POLR1B: variants seen among roughly 807,000 people sequenced by gnomAD.
POLR1B encodes the protein DNA-directed RNA polymerase I subunit RPA2.
In POLR1B, 30 loss-of-function variants were observed where a neutral mutation model predicts 105.8. The ratio of observed to expected loss-of-function variants is 0.28; its 90% CI spans 0.21 to 0.38. POLR1B has a LOEUF of 0.38. Ranked by LOEUF, POLR1B falls within the 10% of genes least tolerant of loss-of-function variation. POLR1B has a pLI of 1.00. For missense variants in POLR1B, 976 were observed against 1,435.8 expected (o/e 0.68, Z 5.17); for synonymous variants, 485 against 505.1 (o/e 0.96, Z 0.53).
At position 112,573,766 on chromosome 2, in the gene POLR1B, T is replaced by C; in HGVS notation, c.2476T>C (p.Tyr826His). The change falls in exon 14 of 15, where the codon TAC (tyrosine) becomes CAC (histidine). Residue 826 changes from tyrosine (Y) to histidine (H), a missense_variant. Transcript: ENST00000263331. ...GAKLQYGDPYYSYLNLNTGES... is the reference protein window; with the variant it reads ...GAKLQYGDPYHSYLNLNTGES... ...AAAACTGCAGTACGGAGATCCGTATTACAGCTACCTCAACCTCAACACCGG... is the reference window on the plus strand; with the variant it reads ...AAAACTGCAGTACGGAGATCCGTATCACAGCTACCTCAACCTCAACACCGG... 1 of 1,614,226 alleles carries C rather than the reference T, an allele frequency of 6.2e-7. No homozygotes were observed. The highest frequency in any genetic ancestry group is 8.5e-7 in the Non-Finnish European group (1 of 1,180,032).
chr2:112,572,577 G>A lies in POLR1B; in HGVS notation c.2090G>A (p.Gly697Asp). ...CTCCATGTAGGTAAGCAAACTATGG[G>A]CTTTCCACTTCTCACTTATCAAGAC... ...YQCQMGKQTM[G>D]FPLLTYQDRS... The change falls in exon 13 of 15, where the codon GGC (glycine) becomes GAC (aspartate). Residue 697 changes from glycine (G) to aspartate (D), a missense_variant. Physicochemically the swap from Gly to Asp is moderately conservative, Grantham distance 94. This residue lies in a region of POLR1B where 46 missense variants were observed against 66.8 expected (regional missense o/e 0.69). Transcript: ENST00000263331. 6.3e-7 allele frequency: 1 copy of A among 1,581,200 alleles called. No individual in the cohort carries two copies. Among genetic ancestry groups the A allele is most frequent in the Non-Finnish European group, 8.6e-7 (1 of 1,164,036 alleles).
rs745945282 is a variant in POLR1B, at chr2:112,542,509, C to A, written c.15C>A (p.Ser5Arg). 5.0e-6 allele frequency: 8 copies of A among 1,613,904 alleles called. No individual in the cohort carries two copies. In the South Asian group the frequency reaches 8.8e-5, roughly 18 times the overall value. ...CAGGTGGCCACATGGATCCTGGCAG[C>A]CGGTGGCGGAACCTGCCCAGCGGGC... MDPG[S>R]RWRNLPSGPS... The change falls in exon 1 of 15, where the codon AGC becomes AGA. Residue 5 changes from serine (S) to arginine (R), a missense_variant. Physicochemically the swap from Ser to Arg is moderately radical, Grantham distance 110. Coordinates refer to ENST00000263331, the MANE Select transcript of POLR1B (RefSeq NM_019014.6).
chr2:112,557,740 C>A (rs1683738531), intron 7 of POLR1B, among the ~76,000 whole-genome samples, 170 bp from the exon 8 acceptor site: 2 of 151,844 alleles, frequency 1.3e-5, no homozygotes, highest in Admixed American at 1.3e-4. Context: ...CCCCCTCACC[C>A]CACCCCCTCT....
intron 9 of POLR1B, among the ~76,000 whole-genome samples, chr2:112,562,838 G>A (rs2104551898): frequency 6.8e-6 from 1 of 147,120 alleles, no homozygotes; most frequent in Non-Finnish European, 1.5e-5. Flanking sequence ...TGATTCTCCT[G>A]CCTCAGCCTT....
At chr2:112,558,103 T>G (rs773483462) in intron 8 of POLR1B, 22 bp downstream of exon 8, 1 of 1,314,590 alleles carries the variant, frequency 7.6e-7, no homozygotes, top group Non-Finnish European at 9.8e-7. Flanking sequence ...TCGATCGTTT[T>G]AGTTATGTTT....
rs190504582 is a variant in POLR1B at position 112,578,420 on chromosome 2, G to C, written c.*2691G>C. ...AAGAATCTTACGTAAATAGGATCAC[G>C]AAGTATAACCTTTGAGAATGGCCTT... On this transcript the variant is annotated 3_prime_UTR_variant, in exon 15 of 15. Transcript: ENST00000263331. Among the ~76,000 whole-genome samples, 1 of 152,130 alleles carries C rather than the reference G, an allele frequency of 6.6e-6. No homozygotes were observed. The highest frequency in any genetic ancestry group is 1.5e-5 in the Non-Finnish European group (1 of 68,032).
chr2:112,567,950 G>C lies in POLR1B; in HGVS notation c.1747-17G>C. On this transcript the variant is annotated splice_polypyrimidine_tract_variant and intron_variant, in intron 10 of 14. Coordinates refer to ENST00000263331, the MANE Select transcript of POLR1B (RefSeq NM_019014.6). ...CCTTGGGACAGGTTTGTTAAACTCT[G>C]TTTTTGTTAAAAACAGGTGTTGAGA... The C allele has an allele frequency of 1.2e-6, 2 of 1,611,696 alleles. No homozygotes were observed. The highest frequency in any genetic ancestry group is 8.5e-7 in the Non-Finnish European group (1 of 1,178,212).
chr2:112,572,739 A>G lies in POLR1B; in HGVS notation c.2252A>G (p.Tyr751Cys). ...AIVAVISYTG[Y>C]DMEDAMIVNK... Reference sequence around the variant, plus strand: ...GTTGCTGTGATTTCTTACACTGGCTATGATATGGAAGATGCCATGGTAAGT... The same window carrying G: ...GTTGCTGTGATTTCTTACACTGGCTGTGATATGGAAGATGCCATGGTAAGT... Residue 751 changes from tyrosine to cysteine, a missense_variant, in exon 13 of 15, where the codon TAT becomes TGT. By Grantham distance (194) the Tyr-to-Cys change is radical (BLOSUM62 -2). Around this residue, in one of 12 missense-constraint regions of POLR1B, gnomAD observed 2 missense variants for 17.2 expected, o/e 0.12. Coordinates refer to ENST00000263331, the MANE Select transcript of POLR1B (RefSeq NM_019014.6). 1.3e-6 allele frequency: 2 copies of G among 1,594,848 alleles called. No homozygotes were observed. The highest frequency in any genetic ancestry group is 1.7e-6 in the Non-Finnish European group (2 of 1,169,854).
intron 4 of POLR1B, 96 bp downstream of exon 4, chr2:112,549,495 G>GTTTATTTTTTT: frequency 1.2e-6 from 1 of 830,880 alleles, no homozygotes; most frequent in Non-Finnish European, 1.6e-6. Context: ...TGATATTTTT[G>GTTTATTTTTTT]TTTCTTTTTT....
chr2:112,552,048 T>C, intron 6 of POLR1B, 50 bp downstream of exon 6: 3 of 1,473,996 alleles, frequency 2.0e-6, no homozygotes, highest in Non-Finnish European at 1.9e-6. Flanking sequence ...GGGCTGTCAG[T>C]GGTTCTTTGT....
At chr2:112,565,144 A>G (rs912528167) in intron 10 of POLR1B, among the ~76,000 whole-genome samples, 5 of 152,246 alleles carry the variant, frequency 3.3e-5, no homozygotes, top group African/African-American at 9.6e-5. Flanking sequence ...TGCTATGAAC[A>G]TGAGTGTACA....
intron 3 of POLR1B, 97 bp downstream of exon 3, chr2:112,547,664 T>G: frequency 7.3e-7 from 1 of 1,370,996 alleles, no homozygotes. Context: ...GTGCTCCAAT[T>G]TCTGGATAGG....
chr2:112,544,258 C>G (rs1682922315), intron 1 of POLR1B, among the ~76,000 whole-genome samples: 1 of 152,034 alleles, frequency 6.6e-6, no homozygotes, highest in Admixed American at 6.6e-5. Flanking sequence ...TGGTGAAACC[C>G]CATCTCTACT....
rs148846626 is a variant in POLR1B at position 112,572,952 on chromosome 2, A to G, written c.2271+194A>G. Among the ~76,000 whole-genome samples the G allele has an allele frequency of 4.0e-3, 614 of 152,332 alleles. 4 individuals are homozygous for G. Among genetic ancestry groups the G allele is most frequent in the Middle Eastern group, 0.01 (3 of 294 alleles). On this transcript the variant is annotated intron_variant, in intron 13 of 14. Coordinates refer to ENST00000263331, the MANE Select transcript of POLR1B (RefSeq NM_019014.6). ...AGGAATATCCACTAAATATTCAGAT[A>G]CACGTATGTCTTGCATATTTGAGTG...
In POLR1B at chr2:112,578,697, G is replaced by A. The variant is rs1336642753; in HGVS notation, c.*2968G>A. 6.6e-6 allele frequency among the ~76,000 whole-genome samples: 1 copy of A among 152,120 alleles called. No homozygotes were observed. The highest frequency in any genetic ancestry group is 1.5e-5 in the Non-Finnish European group (1 of 68,020). On this transcript the variant is annotated 3_prime_UTR_variant, in exon 15 of 15. Coordinates refer to ENST00000263331, the MANE Select transcript of POLR1B (RefSeq NM_019014.6). ...TTATATCCCAAGACTCCCAGTGAGTGTCTGAAACCATGGATAGTATATACA... is the reference window on the plus strand; with the variant it reads ...TTATATCCCAAGACTCCCAGTGAGTATCTGAAACCATGGATAGTATATACA...
chr2:112,552,325 C>T (rs1001512994), intron 6 of POLR1B, among the ~76,000 whole-genome samples: 2 of 152,160 alleles, frequency 1.3e-5, no homozygotes, highest in Non-Finnish European at 2.9e-5. Flanking sequence ...TCTGTGTACA[C>T]AGATGTACAT....
intron 7 of POLR1B, chr2:112,553,415 C>A (rs1156508795): frequency 1.3e-5 from 2 of 152,148 alleles, no homozygotes; most frequent in Non-Finnish European, 2.9e-5. Context: ...CAGGCTCAAG[C>A]AATCCTCCCA....
rs1682803391 is a variant in POLR1B at position 112,542,474 on chromosome 2, G to A, written c.-21G>A. On this transcript the variant is annotated 5_prime_UTR_variant, in exon 1 of 15. Coordinates refer to ENST00000263331, the MANE Select transcript of POLR1B (RefSeq NM_019014.6). ...GTCCGGCGTGTACCGAGAGACTGGC[G>A]TCCGGTGTGCAGGTGGCCACATGGA... 3.7e-6 allele frequency: 6 copies of A among 1,609,374 alleles called. No individual in the cohort carries two copies. Among genetic ancestry groups the A allele is most frequent in the Non-Finnish European group, 5.1e-6 (6 of 1,178,490 alleles).
chr2:112,558,472 G>C (rs1189084056), intron 8 of POLR1B, among the ~76,000 whole-genome samples: 1 of 152,152 alleles, frequency 6.6e-6, no homozygotes, highest in East Asian at 1.9e-4. Context: ...ACCAAGGTAG[G>C]AGGGTCACTT....
Sources: allele counts gnomAD v4.1 joint callset (sites outside exome capture counted in the v4.1 genomes callset), GRCh38; gene constraint gnomAD v4.1.1; regional missense constraint gnomAD v4.1.1; transcripts MANE v1.5; gene names NCBI Gene and HGNC (gene_info 2026-07-23, HGNC 2026-07-21).